The following SEMA6A variants were observed in gnomAD, a reference collection of about 807,000 sequenced individuals.
SEMA6A encodes the protein semaphorin 6A, also known as semaphorin-6A.
In SEMA6A, 25 loss-of-function variants were observed where a neutral mutation model predicts 96.8. That is an observed-to-expected ratio of 0.26 (90% CI 0.19 to 0.36). The LOEUF is 0.36. Among genes scored for constraint, SEMA6A ranks in the 10% least tolerant of loss-of-function variants. The pLI, the probability that SEMA6A is intolerant of heterozygous loss-of-function variation, is 1.00. For missense variants in SEMA6A, 1,363 were observed against 1,323.1 expected, an observed-to-expected ratio of 1.03 and a Z score of -0.47; for synonymous variants, 612 against 518.0, an observed-to-expected ratio of 1.18 and a Z score of -2.46.
rs1421884984 is a variant in SEMA6A, at chr5:116,444,565, T to C, written c.*2048A>G. The C allele has an allele frequency of 6.6e-6, 1 of 152,494 alleles. No homozygotes were observed. The highest frequency in any genetic ancestry group is 2.1e-4 in the South Asian group (1 of 4,824). 9.4% of individuals were successfully genotyped at this position (152,494 alleles called of 1,614,324 possible). On this transcript the variant is annotated 3_prime_UTR_variant, in exon 19 of 19. Transcript: ENST00000343348. ...ATGTGGACAGTTCCTTTGTTCATGATAGAGTAAACAAAAGTCCCTTTTGTG... is the reference window on the plus strand; with the variant it reads ...ATGTGGACAGTTCCTTTGTTCATGACAGAGTAAACAAAAGTCCCTTTTGTG...
At chr5:116,457,114 C>T (rs778053273) in intron 18 of SEMA6A, among the ~76,000 whole-genome samples, 5 of 152,112 alleles carry the variant, frequency 3.3e-5, no homozygotes, top group Non-Finnish European at 7.4e-5. Context: ...TCTGCAAATC[C>T]ATAGAATTAC....
At chr5:116,476,921 G>A (rs971440486) in intron 15 of SEMA6A, among the ~76,000 whole-genome samples, 3 of 152,138 alleles carry the variant, frequency 2.0e-5, no homozygotes, top group Admixed American at 6.5e-5. Context: ...CTCTGTTTAC[G>A]AGAGTACTTG....
intron 1 of SEMA6A, among the ~76,000 whole-genome samples, chr5:116,551,323 C>CAG (rs1294682314): frequency 6.8e-6 from 1 of 146,636 alleles, no homozygotes; most frequent in Non-Finnish European, 1.5e-5. Flanking sequence ...AGCATACACA[C>CAG]ACACACACAC....
At chr5:116,469,769 A>G (rs1043323340) in intron 17 of SEMA6A, among the ~76,000 whole-genome samples, 2 of 152,240 alleles carry the variant, frequency 1.3e-5, no homozygotes, top group Non-Finnish European at 2.9e-5. Flanking sequence ...TTCTCTGTAG[A>G]AAGATTTCCT....
chr5:116,516,455 T>TA (rs1413896319), intron 1 of SEMA6A, among the ~76,000 whole-genome samples: 10 of 131,376 alleles, frequency 7.6e-5, no homozygotes, highest in Non-Finnish European at 8.5e-5. Context: ...AACCCACACA[T>TA]TTTAACCTAT....
intron 1 of SEMA6A, among the ~76,000 whole-genome samples, chr5:116,552,017 T>C (rs1053407806): frequency 6.6e-6 from 1 of 152,204 alleles, no homozygotes; most frequent in African/African-American, 2.4e-5. Flanking sequence ...GTTTTCTACA[T>C]GAACCTGAAG....
chr5:116,533,327 C>T (rs1759569402), intron 1 of SEMA6A, among the ~76,000 whole-genome samples: 1 of 149,656 alleles, frequency 6.7e-6, no homozygotes, highest in Admixed American at 6.6e-5. Flanking sequence ...GTTGAAGAGA[C>T]TCGACACTGC....
chr5:116,560,679 C>T (rs1760788609), intron 1 of SEMA6A, among the ~76,000 whole-genome samples: 1 of 152,006 alleles, frequency 6.6e-6, no homozygotes, highest in Non-Finnish European at 1.5e-5. Context: ...AAACTGCCAC[C>T]CTTATGTAAC....
chr5:116,448,090 T>C (rs528098883), intron 18 of SEMA6A, among the ~76,000 whole-genome samples: 14 of 150,472 alleles, frequency 9.3e-5, no homozygotes, highest in African/African-American at 3.4e-4. Flanking sequence ...TCCCAGCACT[T>C]TGGGAGGCCG....
intron 18 of SEMA6A, among the ~76,000 whole-genome samples, chr5:116,461,182 A>C (rs1423533312): frequency 6.6e-6 from 1 of 152,188 alleles, no homozygotes; most frequent in African/African-American, 2.4e-5. Context: ...AATCAGAAAT[A>C]AGTGATCTCT....
chr5:116,461,362 G>A (rs899957731), intron 18 of SEMA6A, among the ~76,000 whole-genome samples: 7 of 151,914 alleles, frequency 4.6e-5, no homozygotes, highest in African/African-American at 1.7e-4. Context: ...CCCTTTTTCT[G>A]AAGTCTCCTT....
chr5:116,493,704 G>T (rs1757440362), intron 6 of SEMA6A, among the ~76,000 whole-genome samples: 2 of 152,038 alleles, frequency 1.3e-5, no homozygotes, highest in South Asian at 2.1e-4. Context: ...AAGACAGGGG[G>T]TTTTTCTGGT....
At chr5:116,487,120 A>G (rs1757090166) in intron 9 of SEMA6A, 154 bp from the exon 10 acceptor site, 1 of 610,732 alleles carries the variant, frequency 1.6e-6, no homozygotes, top group Admixed American at 3.0e-5. Context: ...AAGAAAAGAA[A>G]AAAAGAGGAA....
Position 116,574,344 on chromosome 5 carries a change from T to C in SEMA6A, c.-198A>G, listed in dbSNP as rs1223290160. ...ATTCCTACATGTGTGCTTGTCTCTT[T>C]GGGGGAAATAGTCGCGGCGACTACT... On this transcript the variant is annotated 5_prime_UTR_variant, in exon 1 of 19. Transcript: ENST00000343348. 1 of 151,560 alleles carries C rather than the reference T, an allele frequency of 6.6e-6. No homozygotes were observed. Among genetic ancestry groups the C allele is most frequent in the Admixed American group, 6.6e-5 (1 of 15,198 alleles). The allele number at this position is 151,560 out of a possible 1,614,324, so 9.4% of individuals were successfully genotyped here. A position where few individuals can be genotyped will look rare whatever the true frequency, so the allele number is the denominator to read the frequency against.
At chr5:116,491,972 T>A in intron 6 of SEMA6A, 142 bp from the exon 7 acceptor site, 1 of 650,194 alleles carries the variant, frequency 1.5e-6, no homozygotes, top group Non-Finnish European at 2.8e-6. Flanking sequence ...ACTTTTAAAC[T>A]GTAGTTGAGA....
At chr5:116,573,199 G>A (rs1206173271) in intron 1 of SEMA6A, among the ~76,000 whole-genome samples, 1 of 152,194 alleles carries the variant, frequency 6.6e-6, no homozygotes, top group African/African-American at 2.4e-5. Flanking sequence ...GCGCCCCATT[G>A]CCCCCATGGT....
intron 16 of SEMA6A, among the ~76,000 whole-genome samples, chr5:116,475,077 A>T (rs796170844): frequency 6.6e-6 from 1 of 152,194 alleles, no homozygotes; most frequent in South Asian, 2.1e-4. Flanking sequence ...TACATATGGT[A>T]ATAGACACAA....
Position 116,473,111 on chromosome 5 carries a change from G to T in SEMA6A, c.1709-18C>A, listed in dbSNP as rs774838441. On this transcript the variant is annotated intron_variant, in intron 16 of 18. Coordinates refer to ENST00000343348, the MANE Select transcript of SEMA6A (RefSeq NM_020796.5). ...AAAGGAATCTGAAAGACAAAAGGGA[G>T]GAGAAGGTTACTTAATGTTTTACGC... is the stretch of plus-strand genomic sequence containing the variant. 1.1e-5 allele frequency: 17 copies of T among 1,588,746 alleles called. No homozygotes were observed. Among genetic ancestry groups the T allele is most frequent in the Non-Finnish European group, 1.2e-5 (14 of 1,166,480 alleles).
At chr5:116,518,352 T>C (rs1374416607) in intron 1 of SEMA6A, among the ~76,000 whole-genome samples, 1 of 152,210 alleles carries the variant, frequency 6.6e-6, no homozygotes, top group Non-Finnish European at 1.5e-5. Flanking sequence ...GATACAAGGT[T>C]AATTACTGCA....
Sources: allele counts gnomAD v4.1 joint callset (sites outside exome capture counted in the v4.1 genomes callset), GRCh38; gene constraint gnomAD v4.1.1; transcripts MANE v1.5; gene names NCBI Gene and HGNC (gene_info 2026-07-23, HGNC 2026-07-21).